Variants in MMP20 observed in about 807,000 individuals in gnomAD.
MMP20 encodes matrix metallopeptidase 20, also known as matrix metalloproteinase-20.
Under a neutral mutation model 51.8 loss-of-function variants are expected in MMP20, and 50 were observed. That is an observed-to-expected ratio of 0.97 (90% CI 0.77 to 1.22). The LOEUF (loss-of-function observed/expected upper bound fraction) is 1.22, where lower values mean the gene tolerates loss of function less well. Ranked by LOEUF, MMP20 falls within the 50% of genes most tolerant of loss-of-function variation. MMP20 has a pLI of 0.00. For missense variants in MMP20, 663 were observed against 601.4 expected (o/e 1.10, Z -1.07); for synonymous variants, 244 against 216.2 (o/e 1.13, Z -1.13).
At position 102,601,125 on chromosome 11, in the gene MMP20, CTTTTTTT is replaced by C. The variant is rs1168517234; in HGVS notation, c.953+5403_953+5409del. Among the ~76,000 whole-genome samples the C allele has an allele frequency of 1.8e-3, 52 of 28,272 alleles. 3 individuals are homozygous for C. The highest frequency in any genetic ancestry group is 6.3e-3 in the African/African-American group (37 of 5,858). The allele number at this position is 28,272 out of a possible 152,430, so 18.5% of individuals were successfully genotyped here. A position where few individuals can be genotyped will look rare whatever the true frequency, so the allele number is the denominator to read the frequency against. The stretch of plus-strand genomic sequence containing the variant: ...AAATGACCACGAAGTGTCGGCTATT[CTTTTTTT>C]TTTTTTTTTTTTTTTTTTGAGACGG... On this transcript the variant is annotated intron_variant, in intron 6 of 9. Transcript: ENST00000260228.
At chr11:102,602,377 GT>G (rs1489293332) in intron 6 of MMP20, among the ~76,000 whole-genome samples, 1 of 151,924 alleles carries the variant, frequency 6.6e-6, no homozygotes, top group African/African-American at 2.4e-5. Context: ...AAAAAAAAAT[GT>G]GAAGAAACAT....
At chr11:102,587,766 G>T (rs1409197421) in intron 8 of MMP20, among the ~76,000 whole-genome samples, 2 of 152,072 alleles carry the variant, frequency 1.3e-5, no homozygotes, top group African/African-American at 4.8e-5. Context: ...AGCCATTCAA[G>T]CTTTCTTATG....
At chr11:102,623,098 G>A (rs1307512432) in intron 1 of MMP20, among the ~76,000 whole-genome samples, 1 of 152,184 alleles carries the variant, frequency 6.6e-6, no homozygotes, top group Admixed American at 6.5e-5. Flanking sequence ...TATGTCATAA[G>A]GGAGACAGAG....
chr11:102,587,917 A>G (rs1267219287), intron 8 of MMP20, among the ~76,000 whole-genome samples: 1 of 152,100 alleles, frequency 6.6e-6, no homozygotes, highest in East Asian at 1.9e-4. Context: ...TTGCCATTTG[A>G]TTAGACGGTT....
chr11:102,611,735 G>T lies in MMP20; in HGVS notation c.523+20C>A, dbSNP rs374953806. The T allele has an allele frequency of 1.8e-5, 29 of 1,612,140 alleles. No homozygotes were observed. The highest frequency in any genetic ancestry group is 1.6e-4 in the Middle Eastern group (1 of 6,074). ...CAACTCTCCTTTGAATTAGTAGATG[G>T]AATCCAAGTACCACAATACCTCCAT... On this transcript the variant is annotated intron_variant, in intron 3 of 9. Coordinates refer to ENST00000260228, the MANE Select transcript of MMP20 (RefSeq NM_004771.4).
intron 6 of MMP20, among the ~76,000 whole-genome samples, chr11:102,603,473 C>T (rs951595428): frequency 2.0e-5 from 3 of 152,142 alleles, no homozygotes; most frequent in Non-Finnish European, 4.4e-5. Flanking sequence ...CAGCTCCACC[C>T]CTTACTAGCT....
chr11:102,612,647 A>T (rs143775172), intron 2 of MMP20, among the ~76,000 whole-genome samples: 73 of 152,004 alleles, frequency 4.8e-4, no homozygotes, highest in African/African-American at 1.6e-3. Context: ...TTCTTATTCA[A>T]AGCTCCTCAG....
Position 102,620,675 on chromosome 11 carries a change from G to A in MMP20, c.127-3616C>T, listed in dbSNP as rs118095388. On this transcript the variant is annotated intron_variant, in intron 1 of 9. Transcript: ENST00000260228. ...TGCATTTTCCTAGTGTCCTTCCTGAGACTTAAGAGTTTAAAACTCAGTTTA... is the reference window on the plus strand; with the variant it reads ...TGCATTTTCCTAGTGTCCTTCCTGAAACTTAAGAGTTTAAAACTCAGTTTA... Among the ~76,000 whole-genome samples, 70 of 152,294 alleles carry A rather than the reference G, an allele frequency of 4.6e-4. No individual in the cohort carries two copies. The East Asian group carries it at 0.013, about 28-fold the overall frequency.
intron 8 of MMP20, among the ~76,000 whole-genome samples, chr11:102,588,645 A>C (rs931836597): frequency 3.3e-5 from 5 of 152,216 alleles, no homozygotes; most frequent in Non-Finnish European, 5.9e-5. Context: ...AGAAATATGC[A>C]TTTATACTGT....
intron 1 of MMP20, among the ~76,000 whole-genome samples, chr11:102,623,357 T>C (rs1228338391): frequency 6.6e-6 from 1 of 152,218 alleles, no homozygotes; most frequent in Non-Finnish European, 1.5e-5. Context: ...CATTACTTCC[T>C]GAGCTCTGCC....
chr11:102,593,858 T>C (rs1859347922), intron 7 of MMP20, among the ~76,000 whole-genome samples: 1 of 152,230 alleles, frequency 6.6e-6, no homozygotes, highest in Admixed American at 6.5e-5. Context: ...ACTATGTCTT[T>C]CAAGATATCC....
chr11:102,606,639 G>A lies in MMP20; in HGVS notation c.849C>T (p.Pro283=), dbSNP rs749306471. The A allele has an allele frequency of 5.6e-6, 9 of 1,613,848 alleles. 1 individual carries two copies. Among genetic ancestry groups the A allele is most frequent in the African/African-American group, 4.0e-5 (3 of 74,920 alleles). Reference sequence around the variant, plus strand: ...TGGATGGCTTGTGATGGGGGGCATGGGGCAGAGTGGGCTTCCCCAGGAATA... The same window carrying A: ...TGGATGGCTTGTGATGGGGGGCATGAGGCAGAGTGGGCTTCCCCAGGAATA... ...RKVFLGKPTL[P]HAPHHKPSIP... Residue 283 remains proline, a synonymous_variant, in exon 6 of 10, where the codon CCC becomes CCT. Coordinates refer to ENST00000260228, the MANE Select transcript of MMP20 (RefSeq NM_004771.4).
chr11:102,603,491 C>G (rs1859474685), intron 6 of MMP20, among the ~76,000 whole-genome samples: 2 of 152,144 alleles, frequency 1.3e-5, no homozygotes, highest in Non-Finnish European at 2.9e-5. Flanking sequence ...GCTATGTACT[C>G]TTGAACAAGT....
chr11:102,612,202 C>T (rs185176516), intron 2 of MMP20, among the ~76,000 whole-genome samples: 16 of 152,282 alleles, frequency 1.1e-4, no homozygotes, highest in Non-Finnish European at 8.8e-5. Flanking sequence ...CAGTGGCTCA[C>T]GCCTGTAATC....
At chr11:102,617,836 C>T (rs1386045235) in intron 1 of MMP20, among the ~76,000 whole-genome samples, 3 of 152,164 alleles carry the variant, frequency 2.0e-5, no homozygotes, top group African/African-American at 7.2e-5. Context: ...CAGGGGCATG[C>T]AAATACAGGG....
At chr11:102,610,727 A>G (rs1859587774) in intron 3 of MMP20, among the ~76,000 whole-genome samples, 1 of 152,206 alleles carries the variant, frequency 6.6e-6, no homozygotes, top group South Asian at 2.1e-4. Context: ...ACCACTTAAA[A>G]AAATCTTAGT....
At chr11:102,615,493 G>A (rs1461818761) in intron 2 of MMP20, among the ~76,000 whole-genome samples, 1 of 152,058 alleles carries the variant, frequency 6.6e-6, no homozygotes, top group Non-Finnish European at 1.5e-5. Flanking sequence ...TTAGACTATT[G>A]CACGAGTCCA....
chr11:102,606,485 G>A, intron 6 of MMP20, 50 bp downstream of exon 6: 5 of 1,611,898 alleles, frequency 3.1e-6, no homozygotes, highest in Non-Finnish European at 4.2e-6. Flanking sequence ...ACGTTTGTCT[G>A]GGAGTGGAGA....
At chr11:102,624,643 G>C (rs565876120) in intron 1 of MMP20, among the ~76,000 whole-genome samples, 1 of 151,970 alleles carries the variant, frequency 6.6e-6, no homozygotes, top group African/African-American at 2.4e-5. Context: ...TTACTTCATT[G>C]GGGAATATGC....
Sources: gnomAD v4.1 joint callset for allele counts (sites outside exome capture counted in the v4.1 genomes callset) on GRCh38, gnomAD v4.1.1 for gene constraint, MANE v1.5 for transcripts, NCBI Gene and HGNC (gene_info 2026-07-23, HGNC 2026-07-21) for gene names.